The following PPP3CC variants were observed in gnomAD, a reference collection of about 807,000 sequenced individuals.
The protein encoded by PPP3CC is protein phosphatase 3 catalytic subunit gamma, also known as serine/threonine-protein phosphatase 2B catalytic subunit gamma isoform.
In PPP3CC, 35 loss-of-function variants were observed where a neutral mutation model predicts 60.3. That is an observed-to-expected ratio of 0.58 (90% confidence interval 0.44 to 0.77). PPP3CC has a LOEUF of 0.77. Among genes scored for constraint, PPP3CC ranks in the 30% least tolerant of loss-of-function variants. PPP3CC has a pLI of 0.00. For synonymous variants in PPP3CC, 206 were observed against 224.3 expected (o/e 0.92, Z 0.73); for missense variants, 570 against 628.9 (o/e 0.91, Z 1.00).
In PPP3CC at chr8:22,496,697, A is replaced by G. The variant is rs184199151; in HGVS notation, c.373-1304A>G. On this transcript the variant is annotated intron_variant, in intron 3 of 13. Coordinates refer to ENST00000240139, the MANE Select transcript of PPP3CC (RefSeq NM_005605.5). ...ATTTTTAGTGAGACGGGGTTTCACC[A>G]TATTGGCCAGGCTGGTCTCGAACTC... Among the ~76,000 whole-genome samples the G allele has an allele frequency of 1.8e-3, 267 of 151,510 alleles. 1 individual carries two copies. Among genetic ancestry groups the G allele is most frequent in the African/African-American group, 6.1e-3 (252 of 41,340 alleles).
At chr8:22,536,603 A>T (rs1341963047) in intron 12 of PPP3CC, among the ~76,000 whole-genome samples, 1 of 152,194 alleles carries the variant, frequency 6.6e-6, no homozygotes, top group African/African-American at 2.4e-5. Context: ...GATACTTCCA[A>T]AGTTGATAGA....
intron 5 of PPP3CC, 117 bp from the exon 6 acceptor site, chr8:22,513,175 TG>T: frequency 1.1e-6 from 1 of 917,692 alleles, no homozygotes; most frequent in African/African-American, 1.7e-5. Flanking sequence ...AGGGGCACAC[TG>T]GCTTCTCTCC....
rs767126681 is a variant in PPP3CC, at chr8:22,498,067, C to A, written c.439C>A (p.His147Asn). The change falls in exon 4 of 14, where the codon CAT becomes AAT. Residue 147 changes from histidine (H) to asparagine (N), a missense_variant. Coordinates refer to ENST00000240139, the MANE Select transcript of PPP3CC (RefSeq NM_005605.5). The stretch of plus-strand genomic sequence containing the variant: ...AACATTGTTTCTGCTTCGGGGAAAT[C>A]ATGAATGCAGGCATCTTACAGACTA... ...PKTLFLLRGN[H>N]ECRHLTDYFT... 23 of 1,613,186 alleles carry A rather than the reference C, an allele frequency of 1.4e-5. No individual in the cohort carries two copies. Among genetic ancestry groups the A allele is most frequent in the Non-Finnish European group, 1.9e-5 (22 of 1,179,346 alleles).
intron 3 of PPP3CC, among the ~76,000 whole-genome samples, chr8:22,494,716 A>G (rs1838512031): frequency 6.6e-6 from 1 of 152,134 alleles, no homozygotes; most frequent in Non-Finnish European, 1.5e-5. Context: ...TTGCCACCTC[A>G]GACCAAATAA....
chr8:22,469,779 G>A (rs1255270971), intron 1 of PPP3CC, among the ~76,000 whole-genome samples: 5 of 151,932 alleles, frequency 3.3e-5, no homozygotes. Flanking sequence ...GGCCCCAGAA[G>A]TTGCGGAGCA....
intron 6 of PPP3CC, among the ~76,000 whole-genome samples, chr8:22,513,691 A>G (rs1347531875): frequency 6.6e-6 from 1 of 152,186 alleles, no homozygotes; most frequent in Non-Finnish European, 1.5e-5. Flanking sequence ...TAAGTGATCT[A>G]GACTATTTGT....
chr8:22,452,779 A>G (rs1837073255), intron 1 of PPP3CC, among the ~76,000 whole-genome samples: 1 of 151,956 alleles, frequency 6.6e-6, no homozygotes, highest in Non-Finnish European at 1.5e-5. Flanking sequence ...TGAGTACTCC[A>G]TATATGTTAT....
At chr8:22,492,295 G>A (rs1274450112) in intron 3 of PPP3CC, among the ~76,000 whole-genome samples, 2 of 152,064 alleles carry the variant, frequency 1.3e-5, no homozygotes. Context: ...ATCATGAATG[G>A]ATTGTACAGG....
chr8:22,454,165 T>C (rs1837120005), intron 1 of PPP3CC, among the ~76,000 whole-genome samples: 1 of 152,226 alleles, frequency 6.6e-6, no homozygotes, highest in Admixed American at 6.5e-5. Context: ...GCTGTACATA[T>C]TTTCTTTCAT....
chr8:22,511,045 C>T (rs745320440), intron 4 of PPP3CC, 41 bp from the exon 5 acceptor site: 28 of 1,596,328 alleles, frequency 1.8e-5, no homozygotes, highest in East Asian at 6.7e-5. Flanking sequence ...AAATGTGATA[C>T]GTTTTAGTTC....
chr8:22,474,907 C>T, intron 1 of PPP3CC, 47 bp from the exon 2 acceptor site: 1 of 1,207,318 alleles, frequency 8.3e-7, no homozygotes, highest in Non-Finnish European at 1.1e-6. Flanking sequence ...TCTGTTTGTT[C>T]TCTATACATT....
chr8:22,518,750 G>A (rs570181551), intron 6 of PPP3CC, among the ~76,000 whole-genome samples: 1 of 152,084 alleles, frequency 6.6e-6, no homozygotes, highest in South Asian at 2.1e-4. Context: ...ATAGTGGCGC[G>A]ACCTCGGCTC....
intron 4 of PPP3CC, among the ~76,000 whole-genome samples, chr8:22,505,387 C>T (rs192402635): frequency 1.6e-3 from 240 of 152,186 alleles, no homozygotes; most frequent in African/African-American, 5.5e-3. Context: ...CCAGAAACTC[C>T]TGTAATTTTA....
At chr8:22,447,272 C>T (rs570980862) in intron 1 of PPP3CC, among the ~76,000 whole-genome samples, 92 of 150,918 alleles carry the variant, frequency 6.1e-4, no homozygotes, top group African/African-American at 2.0e-3. Context: ...CTCTGCCTCC[C>T]GGGTTCATGC....
intron 1 of PPP3CC, among the ~76,000 whole-genome samples, chr8:22,463,764 G>A (rs537685512): frequency 1.3e-5 from 2 of 151,186 alleles, no homozygotes; most frequent in Admixed American, 6.6e-5. Context: ...TATTGTGGCA[G>A]TCTTTGTACT....
chr8:22,443,519 T>TAAAA (rs5890033), intron 1 of PPP3CC, among the ~76,000 whole-genome samples: 3 of 103,668 alleles, frequency 2.9e-5, no homozygotes, highest in Non-Finnish European at 5.9e-5. Flanking sequence ...AAACTCTCTC[T>TAAAA]AAAAAAAAAA....
chr8:22,486,662 T>C (rs1266499048), intron 3 of PPP3CC, among the ~76,000 whole-genome samples: 1 of 151,920 alleles, frequency 6.6e-6, no homozygotes, highest in Non-Finnish European at 1.5e-5. Context: ...CTTGGTTTCT[T>C]GGTGAAGATG....
chr8:22,505,024 ATT>A (rs34116717), intron 4 of PPP3CC, among the ~76,000 whole-genome samples: 135 of 115,956 alleles, frequency 1.2e-3, no homozygotes, highest in African/African-American at 4.0e-3. Flanking sequence ...CCACGAACCT[ATT>A]TTTTTTTTTT....
chr8:22,473,679 G>T lies in PPP3CC; in HGVS notation c.50-1275G>T, dbSNP rs1394340967. ...GGGTTTCACCATGTTGGCCAGGCTG[G>T]TTTTGAACTCCCGACCTCAGGTGAT... On this transcript the variant is annotated intron_variant, in intron 1 of 13. Transcript: ENST00000240139. 3.3e-5 allele frequency among the ~76,000 whole-genome samples: 5 copies of T among 152,128 alleles called. No homozygotes were observed. In the East Asian group the frequency reaches 7.7e-4, roughly 24 times the overall value.
Sources: allele counts gnomAD v4.1 joint callset (sites outside exome capture counted in the v4.1 genomes callset), GRCh38; gene constraint gnomAD v4.1.1; transcripts MANE v1.5; gene names NCBI Gene and HGNC (gene_info 2026-07-23, HGNC 2026-07-21).